PCDHGC4: variants seen among roughly 807,000 people sequenced by gnomAD.
PCDHGC4 encodes the protein protocadherin gamma subfamily C, 4, also known as protocadherin gamma-C4.
Under a neutral mutation model 59.7 loss-of-function variants are expected in PCDHGC4, and 15 were observed. The observed-to-expected ratio is 0.25, with a 90% CI of 0.17 to 0.39. The LOEUF (loss-of-function observed/expected upper bound fraction) is 0.39, where lower values mean the gene tolerates loss of function less well. Ranked by LOEUF, PCDHGC4 falls within the 10% of genes least tolerant of loss-of-function variation. PCDHGC4 has a pLI of 1.00. For missense variants in PCDHGC4, 1,016 were observed against 1,189.5 expected, an observed-to-expected ratio of 0.85 and a Z score of 2.15; for synonymous variants, 434 against 481.4, an observed-to-expected ratio of 0.90 and a Z score of 1.29.
chr5:141,489,893 G>A lies in PCDHGC4; in HGVS notation c.2442+2278G>A. ...CTGGTGCTTACTGCTGTGGATGGGG[G>A]GACCCCAGCCCGCTCAGGGACCACC... On this transcript the variant is annotated intron_variant, in intron 1 of 3. Transcript: ENST00000306593. This position sits in a 1 kb window ranked among gnomAD's most constrained non-coding sequence, Gnocchi z 4.5. 6.2e-7 allele frequency: 1 copy of A among 1,614,190 alleles called. No individual in the cohort carries two copies. Among genetic ancestry groups the A allele is most frequent in the South Asian group, 1.1e-5 (1 of 91,084 alleles).
rs1427881816 is a variant in PCDHGC4 at position 141,486,740 on chromosome 5, T to C, written c.1567T>C (p.Phe523Leu). ...QTGAVHATRS[F>L]DYEQTQTLQF... ...AGGAGCTGTTCATGCTACTCGATCC[T>C]TTGACTATGAGCAAACCCAGACACT... Residue 523 changes from phenylalanine (F) to leucine (L), a missense_variant, in exon 1 of 4, where the codon TTT (phenylalanine) becomes CTT (leucine). Physicochemically the swap from Phe to Leu is conservative, Grantham distance 22. Coordinates refer to ENST00000306593, the MANE Select transcript of PCDHGC4 (RefSeq NM_018928.3). The surrounding 1 kb of genome is among the most constrained non-coding windows in gnomAD (Gnocchi z 5.0). 6.2e-7 allele frequency: 1 copy of C among 1,614,234 alleles called. No homozygotes were observed. Among genetic ancestry groups the C allele is most frequent in the Admixed American group, 1.7e-5 (1 of 60,026 alleles).
rs2099748179 is a variant in PCDHGC4 at position 141,493,421 on chromosome 5, T to G, written c.2443-1386T>G. Among the ~76,000 whole-genome samples the G allele has an allele frequency of 6.6e-6, 1 of 152,182 alleles. No individual in the cohort carries two copies. Among genetic ancestry groups the G allele is most frequent in the South Asian group, 2.1e-4 (1 of 4,830 alleles). On this transcript the variant is annotated intron_variant, in intron 1 of 3. Coordinates refer to ENST00000306593, the MANE Select transcript of PCDHGC4 (RefSeq NM_018928.3). The surrounding 1 kb of genome is among the most constrained non-coding windows in gnomAD (Gnocchi z 4.3). Reference sequence around the variant, plus strand: ...GGAGTTGCCTCTGCTGGGATTTTGCTTCTGCTGGGATGGGGCAAGGGTGGG... The same window carrying G: ...GGAGTTGCCTCTGCTGGGATTTTGCGTCTGCTGGGATGGGGCAAGGGTGGG...
intron 2 of PCDHGC4, among the ~76,000 whole-genome samples, chr5:141,499,192 C>T (rs1048812227): frequency 1.1e-4 from 17 of 152,106 alleles, no homozygotes; most frequent in South Asian, 2.1e-4. Flanking sequence ...CCATTTCCCC[C>T]TTCTTAGGCT....
At position 141,486,250 on chromosome 5, in the gene PCDHGC4, C is replaced by T; in HGVS notation, c.1077C>T (p.Leu359=). 1 of 1,614,140 alleles carries T rather than the reference C, an allele frequency of 6.2e-7. No homozygotes were observed. The highest frequency in any genetic ancestry group is 2.2e-5 in the East Asian group (1 of 44,872). Residue 359 remains leucine (L), a synonymous_variant, in exon 1 of 4, where the codon CTC becomes CTT. Coordinates refer to ENST00000306593, the MANE Select transcript of PCDHGC4 (RefSeq NM_018928.3). The surrounding 1 kb of genome is among the most constrained non-coding windows in gnomAD (Gnocchi z 5.0). ...CAGTGACCTCAGAGCTTGGAACCCT[C>T]CCCGAGAGTGCAGAACCTGGCACTG... ...YITVTSELGT[L]PESAEPGTVV...
chr5:141,494,021 G>C (rs1036188621), intron 1 of PCDHGC4, among the ~76,000 whole-genome samples: 2 of 152,158 alleles, frequency 1.3e-5, no homozygotes, highest in African/African-American at 2.4e-5. Context: ...CCCCTTGGGA[G>C]CCCTGGAGAC....
Position 141,485,550 on chromosome 5 carries a change from TG to T in PCDHGC4, c.378del (p.Asn127MetfsTer46). On this transcript the variant is annotated frameshift_variant, in exon 1 of 4. Coordinates refer to ENST00000306593, the MANE Select transcript of PCDHGC4 (RefSeq NM_018928.3). LOFTEE classifies it high-confidence loss of function. The surrounding 1 kb of genome is among the most constrained non-coding windows in gnomAD (Gnocchi z 5.7). ...MYRAEVEIVD[V>X]NDHAPRFPRQ... ...CGAGCAGAGGTAGAGATCGTAGATGTGAATGATCACGCCCCCCGTTTTCCGC... is the reference window on the plus strand; with the variant it reads ...CGAGCAGAGGTAGAGATCGTAGATGTAATGATCACGCCCCCCGTTTTCCGC... The T allele has an allele frequency of 6.2e-7, 1 of 1,613,820 alleles. No individual in the cohort carries two copies.
chr5:141,486,409 C>G lies in PCDHGC4; in HGVS notation c.1236C>G (p.Pro412=), dbSNP rs1396288134. Residue 412 remains proline, a synonymous_variant, in exon 1 of 4, where the codon CCC becomes CCG. Coordinates refer to ENST00000306593, the MANE Select transcript of PCDHGC4 (RefSeq NM_018928.3). The surrounding 1 kb of genome is among the most constrained non-coding windows in gnomAD (Gnocchi z 5.0). ...RNQFSLVTAG[P]LDREAKSSYD... is the part of the protein sequence containing the mutation. Reference sequence around the variant, plus strand: ...AGTTCTCCCTGGTGACTGCTGGACCCTTGGATCGAGAGGCCAAATCTAGCT... The same window carrying G: ...AGTTCTCCCTGGTGACTGCTGGACCGTTGGATCGAGAGGCCAAATCTAGCT... 6.2e-7 allele frequency: 1 copy of G among 1,614,170 alleles called. No individual in the cohort carries two copies. Among genetic ancestry groups the G allele is most frequent in the East Asian group, 2.2e-5 (1 of 44,874 alleles).
rs756706355 is a variant in PCDHGC4 at position 141,486,950 on chromosome 5, G to C, written c.1777G>C (p.Val593Leu). 6.2e-7 allele frequency: 1 copy of C among 1,614,202 alleles called. No homozygotes were observed. Among genetic ancestry groups the C allele is most frequent in the East Asian group, 2.2e-5 (1 of 44,876 alleles). Residue 593 changes from valine (V) to leucine (L), a missense_variant, in exon 1 of 4, where the codon GTG becomes CTG. Coordinates refer to ENST00000306593, the MANE Select transcript of PCDHGC4 (RefSeq NM_018928.3). The surrounding 1 kb of genome is among the most constrained non-coding windows in gnomAD (Gnocchi z 5.0). ...SVGAGHLITKVTAVDLDSGYN... is the reference protein window; with the variant it reads ...SVGAGHLITKLTAVDLDSGYN... ...TGGTGCTGGCCACCTAATCACAAAG[G>C]TGACTGCTGTGGACTTGGATTCAGG...
intron 3 of PCDHGC4, among the ~76,000 whole-genome samples, chr5:141,507,898 C>T (rs577177417): frequency 1.3e-5 from 2 of 152,310 alleles, no homozygotes; most frequent in East Asian, 1.9e-4. Flanking sequence ...TTCCTGAAGT[C>T]CAGCCCAGCC....
In PCDHGC4 at chr5:141,489,449, A is replaced by G; in HGVS notation, c.2442+1834A>G. The G allele has an allele frequency of 6.2e-7, 1 of 1,614,056 alleles. No homozygotes were observed. Among genetic ancestry groups the G allele is most frequent in the Non-Finnish European group, 8.5e-7 (1 of 1,180,016 alleles). On this transcript the variant is annotated intron_variant, in intron 1 of 3. Coordinates refer to ENST00000306593, the MANE Select transcript of PCDHGC4 (RefSeq NM_018928.3). This position sits in a 1 kb window ranked among gnomAD's most constrained non-coding sequence, Gnocchi z 4.5. ...CGGCGGCTGCAATTGGGCTCTGAGG[A>G]GAATGGGCGCTATTTTTCCCTGAGC...
Position 141,489,652 on chromosome 5 carries a change from C to T in PCDHGC4, c.2442+2037C>T, listed in dbSNP as rs767143028. The T allele has an allele frequency of 3.1e-6, 5 of 1,614,024 alleles. No individual in the cohort carries two copies. Among genetic ancestry groups the T allele is most frequent in the Non-Finnish European group, 4.2e-6 (5 of 1,180,026 alleles). ...CTCTCCTAGCTTTGCCACCCCTGAG[C>T]GAGAGATGCGCATCTCAGAATCAGC... On this transcript the variant is annotated intron_variant, in intron 1 of 3. Coordinates refer to ENST00000306593, the MANE Select transcript of PCDHGC4 (RefSeq NM_018928.3). The surrounding 1 kb of genome is among the most constrained non-coding windows in gnomAD (Gnocchi z 4.5).
At position 141,486,691 on chromosome 5, in the gene PCDHGC4, T is replaced by C. The variant is rs778748447; in HGVS notation, c.1518T>C (p.Ser506=). 8 of 1,614,024 alleles carry C rather than the reference T, an allele frequency of 5.0e-6. No individual in the cohort carries two copies. The highest frequency in any genetic ancestry group is 1.3e-5 in the African/African-American group (1 of 74,922). The part of the protein sequence containing the change: ...EPRNRDVSAS[S]FISLNPQTGA... The stretch of plus-strand genomic sequence containing the variant: ...GGAATCGAGATGTATCAGCTTCCTC[T>C]TTCATCTCTCTGAACCCCCAGACAG... Residue 506 remains serine, a synonymous_variant, in exon 1 of 4, where the codon TCT becomes TCC. Coordinates refer to ENST00000306593, the MANE Select transcript of PCDHGC4 (RefSeq NM_018928.3). The surrounding 1 kb of genome is among the most constrained non-coding windows in gnomAD (Gnocchi z 5.0).
Position 141,490,348 on chromosome 5 carries a change from G to T in PCDHGC4, c.2442+2733G>T, listed in dbSNP as rs2099698964. On this transcript the variant is annotated intron_variant, in intron 1 of 3. Transcript: ENST00000306593. The surrounding 1 kb of genome is among the most constrained non-coding windows in gnomAD (Gnocchi z 5.4). ...GAGCACACCAGTGGGCACAGTAGTG[G>T]GGTTGTTTAATGTGCGAGACCGGGA... The T allele has an allele frequency of 1.2e-6, 2 of 1,614,080 alleles. No homozygotes were observed. The highest frequency in any genetic ancestry group is 3.3e-5 in the Admixed American group (2 of 60,018).
Position 141,491,543 on chromosome 5 carries a change from A to G in PCDHGC4, c.2443-3264A>G. 6.2e-7 allele frequency: 1 copy of G among 1,613,842 alleles called. No individual in the cohort carries two copies. The highest frequency in any genetic ancestry group is 8.5e-7 in the Non-Finnish European group (1 of 1,179,982). ...ATGGAGGTGACGCTGCGGCCCACAG[A>G]CTCGCAGAGCCACTGCTACAGGACG... On this transcript the variant is annotated intron_variant, in intron 1 of 3. Coordinates refer to ENST00000306593, the MANE Select transcript of PCDHGC4 (RefSeq NM_018928.3). The surrounding 1 kb of genome is among the most constrained non-coding windows in gnomAD (Gnocchi z 6.9).
At position 141,511,199 on chromosome 5, in the gene PCDHGC4, G is replaced by C. The variant is rs1303066281; in HGVS notation, c.*26G>C. On this transcript the variant is annotated 3_prime_UTR_variant, in exon 4 of 4. Coordinates refer to ENST00000306593, the MANE Select transcript of PCDHGC4 (RefSeq NM_018928.3). The stretch of plus-strand genomic sequence containing the variant: ...CATGGAGGCCAGGCCAAGAGCCACA[G>C]GGCGGCCTCTCCCCAACCAGCCCAG... 6.2e-6 allele frequency: 10 copies of C among 1,612,868 alleles called. No individual in the cohort carries two copies. In the East Asian group the frequency reaches 2.2e-4, roughly 36 times the overall value.
rs375516156 is a variant in PCDHGC4 at position 141,510,311 on chromosome 5, C to G, written c.2591-636C>G. Among the ~76,000 whole-genome samples, 70 of 151,056 alleles carry G rather than the reference C, an allele frequency of 4.6e-4. No homozygotes were observed. The South Asian group carries it at 0.014, about 31-fold the overall frequency. On this transcript the variant is annotated intron_variant, in intron 3 of 3. Transcript: ENST00000306593. The stretch of plus-strand genomic sequence containing the variant: ...AAAAAATGCTGTTTTGAAATGGAGG[C>G]TTGGAAGAGCACTCTTCACCCCCAC...
At chr5:141,509,081 A>G (rs1279221589) in intron 3 of PCDHGC4, among the ~76,000 whole-genome samples, 1 of 152,160 alleles carries the variant, frequency 6.6e-6, no homozygotes, top group African/African-American at 2.4e-5. Flanking sequence ...GATTTGCGAC[A>G]TGAAATGGGG....
chr5:141,489,101 T>A lies in PCDHGC4; in HGVS notation c.2442+1486T>A. 2 of 398,380 alleles carry A rather than the reference T, an allele frequency of 5.0e-6. No individual in the cohort carries two copies. Among genetic ancestry groups the A allele is most frequent in the Non-Finnish European group, 9.0e-6 (2 of 223,310 alleles). The allele number at this position is 398,380 out of a possible 1,614,324, so 24.7% of individuals were successfully genotyped here. ...CCGCCACTCGGTGACTAAGAACTGC[T>A]GCAAGCAGGCAAACCTCCGAGCAGT... On this transcript the variant is annotated intron_variant, in intron 1 of 3. Coordinates refer to ENST00000306593, the MANE Select transcript of PCDHGC4 (RefSeq NM_018928.3). This position sits in a 1 kb window ranked among gnomAD's most constrained non-coding sequence, Gnocchi z 4.5.
chr5:141,512,917 T>C lies in PCDHGC4; in HGVS notation c.*1744T>C, dbSNP rs543880225. On this transcript the variant is annotated 3_prime_UTR_variant, in exon 4 of 4. Transcript: ENST00000306593. ...TGTGTCTCACGCAAGTTTTATACTCTAATATTTATATGGCTTTTTTTCTTC... is the reference window on the plus strand; with the variant it reads ...TGTGTCTCACGCAAGTTTTATACTCCAATATTTATATGGCTTTTTTTCTTC... The C allele has an allele frequency of 1.3e-5, 2 of 152,378 alleles. No individual in the cohort carries two copies. Among genetic ancestry groups the C allele is most frequent in the African/African-American group, 2.4e-5 (1 of 41,588 alleles). The allele number at this position is 152,378 out of a possible 1,614,324, so 9.4% of individuals were successfully genotyped here.
Sources: allele counts gnomAD v4.1 joint callset (sites outside exome capture counted in the v4.1 genomes callset), GRCh38; gene constraint gnomAD v4.1.1; non-coding constraint Gnocchi (gnomAD v3.1); transcripts MANE v1.5; gene names NCBI Gene and HGNC (gene_info 2026-07-23, HGNC 2026-07-21).